PPP1R7: variants seen among roughly 807,000 people sequenced by gnomAD.
The protein encoded by PPP1R7 is protein phosphatase 1 regulatory subunit 22.
A neutral mutation model predicts 45.2 loss-of-function variants in PPP1R7; 18 were observed. The ratio of observed to expected loss-of-function variants is 0.40; its 90% CI spans 0.28 to 0.59. PPP1R7 has a LOEUF of 0.59. PPP1R7 is among the 20% of genes least tolerant of loss of function. The pLI, the probability that PPP1R7 is intolerant of heterozygous loss-of-function variation, is 0.46. For missense variants in PPP1R7, 314 were observed against 455.8 expected, an observed-to-expected ratio of 0.69 and a Z score of 2.83; for synonymous variants, 181 against 183.4, an observed-to-expected ratio of 0.99 and a Z score of 0.11.
Position 241,182,829 on chromosome 2 carries a change from T to C in PPP1R7, c.*6T>C, listed in dbSNP as rs2068028146. The C allele has an allele frequency of 6.2e-7, 1 of 1,606,296 alleles. No individual in the cohort carries two copies. The highest frequency in any genetic ancestry group is 1.7e-5 in the Admixed American group (1 of 59,888). Reference sequence around the variant, plus strand: ...CCACGTTCGTCAGGTTCTGAGTCCTTCTTGGCTCCTCATGTGGTCCCTCTC... The same window carrying C: ...CCACGTTCGTCAGGTTCTGAGTCCTCCTTGGCTCCTCATGTGGTCCCTCTC... On this transcript the variant is annotated 3_prime_UTR_variant, in exon 10 of 10. Transcript: ENST00000234038.
chr2:241,151,891 A>C (rs1260085424), intron 1 of PPP1R7, among the ~76,000 whole-genome samples: 1 of 152,142 alleles, frequency 6.6e-6, no homozygotes, highest in African/African-American at 2.4e-5. Flanking sequence ...TCACCAGCCC[A>C]TCATCCCCAG....
At chr2:241,173,783 A>G (rs773351425) in intron 9 of PPP1R7, among the ~76,000 whole-genome samples, 1 of 152,198 alleles carries the variant, frequency 6.6e-6, no homozygotes, top group Non-Finnish European at 1.5e-5. Flanking sequence ...GCTTGTTTGT[A>G]TAATTTCTGT....
At chr2:241,154,206 GA>G (rs1559416659) in intron 2 of PPP1R7, among the ~76,000 whole-genome samples, 1 of 140,448 alleles carries the variant, frequency 7.1e-6, no homozygotes, top group Non-Finnish European at 1.5e-5. Flanking sequence ...AAAAAAAAAG[GA>G]AAAAGAAAAG....
At chr2:241,159,149 C>G (rs1256067094) in intron 4 of PPP1R7, 64 bp from the exon 5 acceptor site, 9 of 1,559,786 alleles carry the variant, frequency 5.8e-6, no homozygotes, top group Non-Finnish European at 7.9e-6. Context: ...CCTCCAGTAT[C>G]AGCTGAGGCC....
upstream of PPP1R7, chr2:241,149,977 G>A: frequency 1.4e-6 from 2 of 1,420,532 alleles, no homozygotes; most frequent in Non-Finnish European, 1.8e-6. Flanking sequence ...TCCGCGCGGG[G>A]ACGCCGGGAG....
At chr2:241,164,268 G>C (rs1451449767) in intron 7 of PPP1R7, among the ~76,000 whole-genome samples, 1 of 151,968 alleles carries the variant, frequency 6.6e-6, no homozygotes, top group Non-Finnish European at 1.5e-5. Context: ...ATGGTTTTTA[G>C]CCAAAGGGGA....
chr2:241,177,091 C>T (rs1574732936), intron 9 of PPP1R7, among the ~76,000 whole-genome samples: 1 of 152,148 alleles, frequency 6.6e-6, no homozygotes, highest in African/African-American at 2.4e-5. Context: ...ATGAGCCAGG[C>T]GTGGCGGCAT....
intron 8 of PPP1R7, among the ~76,000 whole-genome samples, chr2:241,168,988 G>A (rs935609239): frequency 6.6e-6 from 1 of 152,236 alleles, no homozygotes; most frequent in African/African-American, 2.4e-5. Context: ...AACTTTGTCA[G>A]AGGTTCTCAG....
At chr2:241,182,574 G>A in intron 9 of PPP1R7, 73 bp from the exon 10 acceptor site, 2 of 1,560,048 alleles carry the variant, frequency 1.3e-6, no homozygotes, top group South Asian at 1.1e-5. Context: ...GAGGAGGGTG[G>A]CTAGTGGACC....
chr2:241,150,145 T>C, upstream of PPP1R7: 1 of 1,266,934 alleles, frequency 7.9e-7, no homozygotes, highest in African/African-American at 1.6e-5. Flanking sequence ...GACAGTGACA[T>C]AAGTCAACTC....
intron 2 of PPP1R7, 106 bp from the exon 3 acceptor site, chr2:241,157,701 C>A: frequency 9.1e-7 from 1 of 1,104,534 alleles, no homozygotes; most frequent in African/African-American, 1.6e-5. Flanking sequence ...GGGGTTTGAG[C>A]TGGCTCTGGG....
upstream of PPP1R7, chr2:241,150,447 G>A (rs1363408959): frequency 3.3e-6 from 5 of 1,528,766 alleles, no homozygotes. Flanking sequence ...GCCCTGATTG[G>A]CTGAGGGGTC....
At chr2:241,160,522 A>T (rs2067561644) in intron 6 of PPP1R7, 28 bp downstream of exon 6, 2 of 1,540,640 alleles carry the variant, frequency 1.3e-6, no homozygotes, top group Admixed American at 2.2e-5. Flanking sequence ...TGACTAGTAT[A>T]TTCAGGGAGA....
chr2:241,161,645 G>A (rs920108976), intron 6 of PPP1R7, among the ~76,000 whole-genome samples: 1 of 152,228 alleles, frequency 6.6e-6, no homozygotes, highest in African/African-American at 2.4e-5. Context: ...AAAGAATTTT[G>A]AAAAGTGATC....
chr2:241,181,832 G>A (rs1042891706), intron 9 of PPP1R7, among the ~76,000 whole-genome samples: 22 of 152,148 alleles, frequency 1.4e-4, no homozygotes, highest in East Asian at 3.9e-4. Flanking sequence ...TTGCCACCGC[G>A]GTTTGCCTGG....
At chr2:241,157,935 A>G (rs2067496772) in intron 3 of PPP1R7, 73 bp downstream of exon 3, 1 of 1,490,122 alleles carries the variant, frequency 6.7e-7, no homozygotes, top group South Asian at 1.1e-5. Context: ...GTATGAGATT[A>G]GTAAGTTATT....
chr2:241,162,157 G>A (rs1429729956), intron 6 of PPP1R7, among the ~76,000 whole-genome samples: 1 of 152,196 alleles, frequency 6.6e-6, no homozygotes, highest in African/African-American at 2.4e-5. Flanking sequence ...TTTACCAAGT[G>A]TCTCACTATG....
chr2:241,149,690 C>A, upstream of PPP1R7: 1 of 1,550,176 alleles, frequency 6.5e-7, no homozygotes, highest in Non-Finnish European at 8.7e-7. Context: ...GGTTTCCTCC[C>A]GACTCGCGAT....
intron 9 of PPP1R7, among the ~76,000 whole-genome samples, chr2:241,180,487 A>T (rs576600366): frequency 6.6e-6 from 1 of 151,550 alleles, no homozygotes; most frequent in African/African-American, 2.4e-5. Flanking sequence ...AAGCCATCCT[A>T]GGCCATTTAC....
Sources: gnomAD v4.1 joint callset for allele counts (sites outside exome capture counted in the v4.1 genomes callset) on GRCh38, gnomAD v4.1.1 for gene constraint, MANE v1.5 for transcripts, NCBI Gene and HGNC (gene_info 2026-07-23, HGNC 2026-07-21) for gene names.